Variants in COL25A1 observed in about 807,000 individuals in gnomAD.
COL25A1 encodes collagen alpha-1(XXV) chain.
A neutral mutation model predicts 128.4 loss-of-function variants in COL25A1; 103 were observed. The observed-to-expected ratio is 0.80, with a 90% CI of 0.68 to 0.94. The LOEUF is 0.94. Among genes scored for constraint, COL25A1 ranks in the 40% least tolerant of loss-of-function variants. The pLI is 0.00. For synonymous variants in COL25A1, 279 were observed against 277.2 expected (o/e 1.01, Z -0.06); for missense variants, 745 against 840.0 (o/e 0.89, Z 1.40).
chr4:108,890,690 C>A (rs544852327), intron 16 of COL25A1, among the ~76,000 whole-genome samples: 1 of 152,266 alleles, frequency 6.6e-6, no homozygotes, highest in East Asian at 1.9e-4. Flanking sequence ...AGGAGGGAGG[C>A]ACATATTGGG....
intron 31 of COL25A1, among the ~76,000 whole-genome samples, chr4:108,835,989 A>G (rs1027331208): frequency 2.2e-4 from 32 of 144,074 alleles, no homozygotes; most frequent in Non-Finnish European, 3.9e-4. Flanking sequence ...CTCCTGCCTC[A>G]GCCTCCCGAG....
chr4:109,097,543 G>A (rs1434387046), intron 3 of COL25A1, among the ~76,000 whole-genome samples: 1 of 151,518 alleles, frequency 6.6e-6, no homozygotes, highest in Non-Finnish European at 1.5e-5. Context: ...AGCCCAGCAG[G>A]CAAAGGTTGC....
intron 13 of COL25A1, among the ~76,000 whole-genome samples, chr4:108,908,396 C>G (rs192090811): frequency 1.3e-5 from 2 of 152,318 alleles, no homozygotes; most frequent in Admixed American, 1.3e-4. Context: ...ATCGGCTTCT[C>G]TCTGTGTGTA....
At chr4:109,210,976 C>T (rs1463062715) in intron 3 of COL25A1, among the ~76,000 whole-genome samples, 2 of 151,886 alleles carry the variant, frequency 1.3e-5, no homozygotes, top group African/African-American at 4.8e-5. Flanking sequence ...ACACTGAGCA[C>T]ACATGGGCAC....
chr4:109,179,111 AT>A (rs1363450627), intron 3 of COL25A1, among the ~76,000 whole-genome samples: 9 of 152,252 alleles, frequency 5.9e-5, no homozygotes, highest in Admixed American at 3.3e-4. Flanking sequence ...AATTCAGGAA[AT>A]CTTATCCTCA....
rs538899475 is a variant in COL25A1 at position 109,102,272 on chromosome 4, T to C, written c.368-52093A>G. ...TATTTAATTACTCTTGTGATTTTTTTCCCTTAACCTTTGTGTAATTTATAG... is the reference window on the plus strand; with the variant it reads ...TATTTAATTACTCTTGTGATTTTTTCCCCTTAACCTTTGTGTAATTTATAG... On this transcript the variant is annotated intron_variant, in intron 3 of 37. Transcript: ENST00000399132. 2.4e-4 allele frequency among the ~76,000 whole-genome samples: 36 copies of C among 152,280 alleles called. 1 individual carries two copies. The South Asian group carries it at 6.8e-3, about 29-fold the overall frequency.
At chr4:109,119,149 A>AGAG (rs1250448586) in intron 3 of COL25A1, among the ~76,000 whole-genome samples, 2 of 152,062 alleles carry the variant, frequency 1.3e-5, no homozygotes, top group African/African-American at 4.8e-5. Flanking sequence ...CTGTTTAAAT[A>AGAG]TTTTGAACTA....
intron 3 of COL25A1, among the ~76,000 whole-genome samples, chr4:109,140,613 C>G (rs1378498677): frequency 6.6e-6 from 1 of 152,114 alleles, no homozygotes; most frequent in Non-Finnish European, 1.5e-5. Flanking sequence ...TTTCCTTGAG[C>G]AGTGGTTTGT....
chr4:109,133,755 T>C (rs1422437814), intron 3 of COL25A1, among the ~76,000 whole-genome samples: 2 of 152,182 alleles, frequency 1.3e-5, no homozygotes, highest in African/African-American at 2.4e-5. Flanking sequence ...ATTGCTTAAG[T>C]CTATTAAGTC....
At chr4:109,071,529 A>C (rs1181171951) in intron 3 of COL25A1, among the ~76,000 whole-genome samples, 1 of 152,198 alleles carries the variant, frequency 6.6e-6, no homozygotes, top group African/African-American at 2.4e-5. Flanking sequence ...AATGGGAGAA[A>C]ATTTTTGCAG....
intron 8 of COL25A1, among the ~76,000 whole-genome samples, chr4:108,962,645 A>C (rs1354644500): frequency 1.3e-5 from 2 of 152,148 alleles, no homozygotes; most frequent in Non-Finnish European, 2.9e-5. Context: ...ATTCGTGCTA[A>C]ATTCACAAGC....
At chr4:109,078,609 G>A (rs1458523543) in intron 3 of COL25A1, among the ~76,000 whole-genome samples, 1 of 150,886 alleles carries the variant, frequency 6.6e-6, no homozygotes, top group African/African-American at 2.4e-5. Context: ...TAGAAAAAAA[G>A]ACACTATTTA....
chr4:108,889,069 C>A (rs1352930512), intron 18 of COL25A1, 152 bp downstream of exon 18: 1 of 731,192 alleles, frequency 1.4e-6, no homozygotes, highest in Non-Finnish European at 2.3e-6. Context: ...TCATCAAGAC[C>A]TTTTAAAATG....
chr4:108,843,889 CTATTAT>C (rs5860951), intron 30 of COL25A1, among the ~76,000 whole-genome samples: 10 of 149,262 alleles, frequency 6.7e-5, no homozygotes, highest in Non-Finnish European at 8.9e-5. Flanking sequence ...GCTATTATTA[CTATTAT>C]TATTATTATT....
At chr4:109,016,220 C>T (rs1290248012) in intron 5 of COL25A1, among the ~76,000 whole-genome samples, 1 of 152,254 alleles carries the variant, frequency 6.6e-6, no homozygotes, top group African/African-American at 2.4e-5. Context: ...AGCCCAGACA[C>T]TCACAACCAA....
rs373520708 is a variant in COL25A1 at position 108,977,138 on chromosome 4, C to T, written c.439-2579G>A. On this transcript the variant is annotated intron_variant, in intron 6 of 37. Transcript: ENST00000399132. ...CTATCTGGTGCCTGCCTTCAACAAG[C>T]GCCATCTAAAATGCCTCCCTAGTGC... Among the ~76,000 whole-genome samples the T allele has an allele frequency of 1.3e-4, 20 of 152,242 alleles. No homozygotes were observed. The South Asian group carries it at 3.5e-3, about 27-fold the overall frequency.
At chr4:109,244,159 G>GT (rs1175778800) in intron 3 of COL25A1, among the ~76,000 whole-genome samples, 5 of 105,590 alleles carry the variant, frequency 4.7e-5, no homozygotes, top group African/African-American at 3.3e-4. Context: ...AAAAAAGCAT[G>GT]GTTTTTTTCA....
intron 8 of COL25A1, among the ~76,000 whole-genome samples, chr4:108,959,376 C>T (rs1750418048): frequency 6.6e-6 from 1 of 151,984 alleles, no homozygotes; most frequent in Admixed American, 6.6e-5. Context: ...CACAGGTTAC[C>T]AGTTTGCAGC....
chr4:109,027,770 C>T (rs898985815), intron 5 of COL25A1, among the ~76,000 whole-genome samples: 1 of 151,878 alleles, frequency 6.6e-6, no homozygotes, highest in Non-Finnish European at 1.5e-5. Flanking sequence ...TAAAAAATGA[C>T]TCCAAAGGTT....
Sources: allele counts gnomAD v4.1 joint callset (sites outside exome capture counted in the v4.1 genomes callset), GRCh38; gene constraint gnomAD v4.1.1; transcripts MANE v1.5; gene names NCBI Gene and HGNC (gene_info 2026-07-23, HGNC 2026-07-21).